Variants in HMCN1 observed in about 807,000 individuals in gnomAD.
The protein encoded by HMCN1 is hemicentin-1.
HMCN1 carries 321 observed loss-of-function variants against 625.9 expected under a neutral mutation model. The observed-to-expected ratio is 0.51, with a 90% CI of 0.47 to 0.56. The LOEUF is 0.56. Ranked by LOEUF, HMCN1 falls within the 20% of genes least tolerant of loss-of-function variation. The pLI, the probability that HMCN1 is intolerant of heterozygous loss-of-function variation, is 0.00. For missense variants in HMCN1, 6,588 were observed against 6,887.3 expected (o/e 0.96, Z 1.54); for synonymous variants, 2,425 against 2,417.6 (o/e 1.00, Z -0.09).
At chr1:186,045,580 A>T (rs1656503682) in intron 40 of HMCN1, 108 bp from the exon 41 acceptor site, 4 of 850,938 alleles carry the variant, frequency 4.7e-6, no homozygotes, top group Non-Finnish European at 8.0e-6. Context: ...GTGATCCTAT[A>T]TCTTTAAAAG....
intron 6 of HMCN1, among the ~76,000 whole-genome samples, chr1:185,916,391 A>G (rs1666703793): frequency 6.6e-6 from 1 of 152,130 alleles, no homozygotes; most frequent in African/African-American, 2.4e-5. Flanking sequence ...AGTCTGAGGA[A>G]AGTGGGGGAA....
At chr1:185,834,752 A>T (rs73072075) in intron 1 of HMCN1, among the ~76,000 whole-genome samples, 5,898 of 152,232 alleles carry the variant, frequency 0.039, 398 homozygotes, top group African/African-American at 0.13. Context: ...GTTTTAGAGG[A>T]TGCTTGCCAC....
intron 11 of HMCN1, among the ~76,000 whole-genome samples, chr1:185,954,198 T>G (rs1649451860): frequency 6.6e-6 from 1 of 152,194 alleles, no homozygotes; most frequent in South Asian, 2.1e-4. Context: ...TGGCTTGGCT[T>G]GGGCTCAGAG....
At chr1:185,882,045 G>A (rs994328228) in intron 4 of HMCN1, among the ~76,000 whole-genome samples, 2 of 152,106 alleles carry the variant, frequency 1.3e-5, no homozygotes. Flanking sequence ...GATGTAAAAA[G>A]GACTAACATC....
At position 186,037,941 on chromosome 1, in the gene HMCN1, T is replaced by C; in HGVS notation, c.5757T>C (p.Pro1919=). ...TGTTTGGGCCTCTTGTAGAACCACC[T>C]AGTCTGGAAGATGCTGGAAAAATGC... The part of the protein sequence containing the change: ...QHIQLHVHEP[P]SLEDAGKMLN... The change falls in exon 37 of 107, where the codon CCT becomes CCC. Residue 1919 remains proline, a synonymous_variant. Transcript: ENST00000271588. The C allele has an allele frequency of 6.2e-7, 1 of 1,602,656 alleles. No homozygotes were observed. The highest frequency in any genetic ancestry group is 1.1e-5 in the South Asian group (1 of 90,856).
chr1:185,864,684 C>G, intron 3 of HMCN1, 56 bp downstream of exon 3: 19 of 1,526,042 alleles, frequency 1.2e-5, no homozygotes, highest in Non-Finnish European at 1.7e-5. Flanking sequence ...TAAGAGATTG[C>G]CTGTCCTCTT....
intron 4 of HMCN1, among the ~76,000 whole-genome samples, chr1:185,872,827 A>G (rs1663702709): frequency 6.6e-6 from 1 of 152,174 alleles, no homozygotes. Flanking sequence ...GATCATCTCT[A>G]CACAACAGAA....
At chr1:185,954,548 A>T (rs892760466) in intron 11 of HMCN1, among the ~76,000 whole-genome samples, 4 of 152,112 alleles carry the variant, frequency 2.6e-5, no homozygotes, top group Non-Finnish European at 5.9e-5. Flanking sequence ...TTAAACAACA[A>T]TCAACAATTG....
At chr1:186,177,409 G>A (rs1652667332) in intron 103 of HMCN1, 1 of 152,274 alleles carries the variant, frequency 6.6e-6, no homozygotes, top group South Asian at 2.1e-4. Flanking sequence ...AGAATGCACT[G>A]ACCATAATCA....
chr1:186,167,744 A>G (rs1276814162), intron 100 of HMCN1, among the ~76,000 whole-genome samples: 1 of 152,184 alleles, frequency 6.6e-6, no homozygotes. Context: ...ACAATTGTGC[A>G]GACTTTTTAG....
chr1:185,768,665 G>T (rs1227963519), intron 1 of HMCN1, among the ~76,000 whole-genome samples: 6 of 152,190 alleles, frequency 3.9e-5, no homozygotes, highest in Admixed American at 1.3e-4. Context: ...GTATGGTTTG[G>T]CTGGGTGTGG....
In HMCN1 at chr1:186,094,322, G is replaced by T. The variant is rs1307864885; in HGVS notation, c.10243G>T (p.Ala3415Ser). The change falls in exon 67 of 107, where the codon GCC becomes TCC. Residue 3415 changes from alanine to serine, a missense_variant. Around this residue, in one of 3 missense-constraint regions of HMCN1, gnomAD observed 4,628 missense variants for 4,853.1 expected, o/e 0.95. Coordinates refer to ENST00000271588, the MANE Select transcript of HMCN1 (RefSeq NM_031935.3). ...VSDVAVYTCV[A>S]SNRAGVDNKH... ...TGATGTCGCTGTGTATACTTGTGTG[G>T]CCTCCAACAGAGCTGGGGTGGATAA... 6.2e-7 allele frequency: 1 copy of T among 1,613,268 alleles called. No homozygotes were observed. The highest frequency in any genetic ancestry group is 8.5e-7 in the Non-Finnish European group (1 of 1,179,620).
At chr1:185,751,847 T>A (rs1654835981) in intron 1 of HMCN1, among the ~76,000 whole-genome samples, 1 of 152,124 alleles carries the variant, frequency 6.6e-6, no homozygotes. Flanking sequence ...CAAATCTGCT[T>A]ATTTTTTGTT....
At chr1:185,787,138 TGTATG>T (rs1214270003) in intron 1 of HMCN1, among the ~76,000 whole-genome samples, 2 of 137,838 alleles carry the variant, frequency 1.5e-5, no homozygotes, top group African/African-American at 5.9e-5. Flanking sequence ...AGCGCCATGA[TGTATG>T]TGTGTGTGTG....
intron 71 of HMCN1, among the ~76,000 whole-genome samples, chr1:186,111,657 A>G (rs1014820718): frequency 6.6e-6 from 1 of 152,174 alleles, no homozygotes; most frequent in Non-Finnish European, 1.5e-5. Context: ...AGAAAAAAAG[A>G]ATCACTCTGA....
chr1:185,898,524 G>A (rs547532004), intron 4 of HMCN1, among the ~76,000 whole-genome samples: 1 of 152,182 alleles, frequency 6.6e-6, no homozygotes, highest in South Asian at 2.1e-4. Context: ...CCTACATCAA[G>A]GGAGATGGGT....
chr1:186,062,365 ATAT>A lies in HMCN1; in HGVS notation c.7427-145_7427-143del, dbSNP rs140313783. On this transcript the variant is annotated intron_variant, in intron 47 of 106. Transcript: ENST00000271588. ...TTTAAAAGTAGACTTGATCAAAATA[ATAT>A]TATGACATTCTAGCAATCAAATAAT... 24 of 663,092 alleles carry A rather than the reference ATAT, an allele frequency of 3.6e-5. No individual in the cohort carries two copies. In the East Asian group the frequency reaches 4.6e-4, roughly 13 times the overall value. The allele number at this position is 663,092 out of a possible 1,614,324, so 41.1% of individuals were successfully genotyped here.
At chr1:186,079,442 A>T (rs1231785620) in intron 55 of HMCN1, among the ~76,000 whole-genome samples, 1 of 152,186 alleles carries the variant, frequency 6.6e-6, no homozygotes, top group Non-Finnish European at 1.5e-5. Flanking sequence ...CCCCGTGCAC[A>T]GTGTCGCAGA....
intron 30 of HMCN1, among the ~76,000 whole-genome samples, chr1:186,010,039 G>C (rs530346643): frequency 6.6e-5 from 10 of 152,248 alleles, no homozygotes; most frequent in Admixed American, 1.3e-4. Context: ...ACAGAGCTCA[G>C]GTGGTAATGC....
Sources: gnomAD v4.1 joint callset for allele counts (sites outside exome capture counted in the v4.1 genomes callset) on GRCh38, gnomAD v4.1.1 for gene constraint, gnomAD v4.1.1 regional missense constraint, MANE v1.5 for transcripts, NCBI Gene and HGNC (gene_info 2026-07-23, HGNC 2026-07-21) for gene names.